The following GRID2 variants were observed in gnomAD, a reference collection of about 807,000 sequenced individuals.
The protein encoded by GRID2 is glutamate ionotropic receptor delta type subunit 2.
In GRID2, 33 loss-of-function variants were observed where a neutral mutation model predicts 114.8. The observed-to-expected ratio is 0.29, with a 90% CI of 0.22 to 0.38. The LOEUF (loss-of-function observed/expected upper bound fraction) is 0.38. GRID2 is among the 10% of genes least tolerant of loss of function. The pLI is 1.00. For synonymous variants in GRID2, 505 were observed against 449.9 expected (o/e 1.12, Z -1.55); for missense variants, 1,184 against 1,257.7 (o/e 0.94, Z 0.89).
intron 9 of GRID2, among the ~76,000 whole-genome samples, chr4:93,414,706 T>TATATATATATATATATATATATATC (rs1560595949): frequency 6.7e-6 from 1 of 149,630 alleles, no homozygotes; most frequent in African/African-American, 2.5e-5. Flanking sequence ...TATATATATA[T>TATATATATATATATATATATATATC]TTCCTTTTTT....
chr4:92,942,825 A>G (rs564293289), intron 2 of GRID2, among the ~76,000 whole-genome samples: 1 of 152,296 alleles, frequency 6.6e-6, no homozygotes, highest in African/African-American at 2.4e-5. Flanking sequence ...TCCTTCGCTT[A>G]TGAAGCTTAG....
intron 11 of GRID2, among the ~76,000 whole-genome samples, chr4:93,474,786 T>C (rs1422944975): frequency 6.6e-6 from 1 of 152,106 alleles, no homozygotes; most frequent in African/African-American, 2.4e-5. Context: ...CTCTATGATA[T>C]TCACCTTGGG....
intron 2 of GRID2, among the ~76,000 whole-genome samples, chr4:92,972,203 A>ATTT (rs748827964): frequency 9.3e-5 from 13 of 140,380 alleles, no homozygotes; most frequent in African/African-American, 3.1e-4. Context: ...CTTTGCTAGC[A>ATTT]TTTTTTTTTT....
At chr4:93,420,731 C>CTTATTTATTTATTTAT (rs36041449) in intron 9 of GRID2, among the ~76,000 whole-genome samples, 37 of 146,290 alleles carry the variant, frequency 2.5e-4, no homozygotes, top group African/African-American at 5.8e-4. Context: ...ATTATTTTTA[C>CTTATTTATTTATTTAT]TTATTTATTT....
intron 2 of GRID2, among the ~76,000 whole-genome samples, chr4:92,983,558 A>G (rs984009127): frequency 6.6e-6 from 1 of 151,736 alleles, no homozygotes; most frequent in Non-Finnish European, 1.5e-5. Context: ...ATTCTTTTAT[A>G]AACATATAGT....
intron 14 of GRID2, among the ~76,000 whole-genome samples, chr4:93,710,888 G>A (rs1270919999): frequency 2.0e-5 from 3 of 151,986 alleles, no homozygotes; most frequent in Admixed American, 6.6e-5. Flanking sequence ...GGTGAGTACT[G>A]CCTGGCTACC....
intron 2 of GRID2, among the ~76,000 whole-genome samples, chr4:93,076,052 C>T (rs574521335): frequency 2.0e-5 from 3 of 151,448 alleles, no homozygotes; most frequent in South Asian, 4.2e-4. Flanking sequence ...TACAGGCACC[C>T]GCCACCACGC....
At chr4:93,622,803 C>G (rs1308105256) in intron 13 of GRID2, among the ~76,000 whole-genome samples, 3 of 152,128 alleles carry the variant, frequency 2.0e-5, no homozygotes, top group African/African-American at 7.2e-5. Context: ...TTGGTGGGAT[C>G]TAAGCAAATT....
At chr4:92,926,036 T>C (rs1354517082) in intron 2 of GRID2, among the ~76,000 whole-genome samples, 1 of 152,032 alleles carries the variant, frequency 6.6e-6, no homozygotes, top group Non-Finnish European at 1.5e-5. Context: ...TCAACAGTTG[T>C]CTGAGACTGT....
At chr4:92,374,269 T>G (rs1160177954) in intron 1 of GRID2, among the ~76,000 whole-genome samples, 1 of 152,194 alleles carries the variant, frequency 6.6e-6, no homozygotes, top group Non-Finnish European at 1.5e-5. Context: ...AAGAAGAACT[T>G]GGGTCTCCAT....
chr4:93,245,639 C>T lies in GRID2; in HGVS notation c.1245+7149C>T, dbSNP rs116109894. Among the ~76,000 whole-genome samples, 1,383 of 152,230 alleles carry T rather than the reference C, an allele frequency of 9.1e-3. 25 individuals are homozygous for T. Among genetic ancestry groups the T allele is most frequent in the African/African-American group, 0.031 (1,305 of 41,542 alleles). On this transcript the variant is annotated intron_variant, in intron 8 of 15. Transcript: ENST00000282020. ...GATTTAACAGGCTGTAGTGGAAAAA[C>T]GTGTAGCCTTTGCTGTTAGACATAC...
intron 11 of GRID2, among the ~76,000 whole-genome samples, chr4:93,472,050 C>T (rs562226447): frequency 5.3e-5 from 8 of 151,138 alleles, no homozygotes; most frequent in East Asian, 2.0e-4. Flanking sequence ...TTTGGCCAGG[C>T]GCGGTGGCTC....
chr4:92,637,222 A>T (rs919263715), intron 2 of GRID2, among the ~76,000 whole-genome samples: 2 of 152,140 alleles, frequency 1.3e-5, no homozygotes, highest in Non-Finnish European at 2.9e-5. Context: ...AGATTTTTTT[A>T]AATTTACATT....
intron 2 of GRID2, among the ~76,000 whole-genome samples, chr4:92,781,140 G>GGAGGCT (rs1341464027): frequency 6.6e-6 from 1 of 152,078 alleles, no homozygotes; most frequent in Admixed American, 6.6e-5. Flanking sequence ...CAGCTACTTG[G>GGAGGCT]GAGGCTGAGG....
intron 8 of GRID2, among the ~76,000 whole-genome samples, chr4:93,325,580 A>G (rs1379839974): frequency 6.6e-6 from 1 of 151,978 alleles, no homozygotes; most frequent in Non-Finnish European, 1.5e-5. Context: ...ATACTATTTA[A>G]TTAAACTACA....
chr4:92,392,193 C>A (rs758448610), intron 1 of GRID2, among the ~76,000 whole-genome samples: 4 of 152,028 alleles, frequency 2.6e-5, no homozygotes, highest in Non-Finnish European at 4.4e-5. Flanking sequence ...TTGCCCTGAT[C>A]CTTTGAAAAG....
rs537748898 is a variant in GRID2 at position 93,624,318 on chromosome 4, C to A, written c.2194-1951C>A. ...ATGATAATTTTTTCCTAATAGATTG[C>A]AATCATAGTTTTGTTTCCATCCTTT... is the stretch of plus-strand genomic sequence containing the variant. On this transcript the variant is annotated intron_variant, in intron 13 of 15. Transcript: ENST00000282020. Among the ~76,000 whole-genome samples, 5 of 152,074 alleles carry A rather than the reference C, an allele frequency of 3.3e-5. No homozygotes were observed. In the East Asian group the frequency reaches 7.7e-4, roughly 24 times the overall value.
intron 2 of GRID2, among the ~76,000 whole-genome samples, chr4:92,926,956 AACACATGAACTTTAGGAG>A (rs1347992452): frequency 1.3e-5 from 2 of 151,932 alleles, no homozygotes; most frequent in African/African-American, 2.4e-5. Context: ...GACTAAGTTC[AACACATGAACTTTAGGAG>A]ACACATTTAA....
At chr4:93,684,412 T>C (rs1725889705) in intron 14 of GRID2, among the ~76,000 whole-genome samples, 1 of 152,190 alleles carries the variant, frequency 6.6e-6, no homozygotes, top group Non-Finnish European at 1.5e-5. Flanking sequence ...GACTGTGTTT[T>C]CTTCATGTTG....
Sources: allele counts gnomAD v4.1 joint callset (sites outside exome capture counted in the v4.1 genomes callset), GRCh38; gene constraint gnomAD v4.1.1; transcripts MANE v1.5; gene names NCBI Gene and HGNC (gene_info 2026-07-23, HGNC 2026-07-21).